Variants in LMO7 observed in about 807,000 individuals in gnomAD.
The protein encoded by LMO7 is LIM domain 7.
Under a neutral mutation model 206.5 loss-of-function variants are expected in LMO7, and 120 were observed. The observed-to-expected ratio is 0.58, with a 90% CI of 0.50 to 0.68. The LOEUF (loss-of-function observed/expected upper bound fraction) is 0.68. Among genes scored for constraint, LMO7 ranks in the 30% least tolerant of loss-of-function variants. The pLI is 0.00. For synonymous variants in LMO7, 706 were observed against 681.5 expected (o/e 1.04, Z -0.56); for missense variants, 1,959 against 1,957.9 (o/e 1.00, Z -0.01).
intron 4 of LMO7, among the ~76,000 whole-genome samples, chr13:75,794,793 A>C (rs1300394762): frequency 6.6e-6 from 1 of 152,078 alleles, no homozygotes; most frequent in African/African-American, 2.4e-5. Context: ...TGAGCAAAAA[A>C]CCCATGATTC....
At chr13:75,845,060 G>A (rs552987720) in intron 25 of LMO7, among the ~76,000 whole-genome samples, 1 of 152,262 alleles carries the variant, frequency 6.6e-6, no homozygotes, top group Admixed American at 6.5e-5. Context: ...ATAACTTATA[G>A]TCTTCATCAT....
Position 75,800,852 on chromosome 13 carries a change from T to A in LMO7, c.631T>A (p.Ser211Thr). Reference sequence around the variant, plus strand: ...CTCGAGGTCATTGACAAGCTGCTCCTCTGATATCACGTTGAGAGGGGGGCG... The same window carrying A: ...CTCGAGGTCATTGACAAGCTGCTCCACTGATATCACGTTGAGAGGGGGGCG... ...LGSRSLTSCS[S>T]DITLRGGREG... The change falls in exon 7 of 31, where the codon TCT (serine) becomes ACT (threonine). Residue 211 changes from serine (S) to threonine (T), a missense_variant. Ser to Thr is a moderately conservative substitution (Grantham distance 58, BLOSUM62 1). Transcript: ENST00000377534. 1 of 1,613,946 alleles carries A rather than the reference T, an allele frequency of 6.2e-7. No homozygotes were observed. The highest frequency in any genetic ancestry group is 8.5e-7 in the Non-Finnish European group (1 of 1,179,886).
At chr13:75,695,433 G>A (rs1456082377) in intron 1 of LMO7, among the ~76,000 whole-genome samples, 2 of 152,168 alleles carry the variant, frequency 1.3e-5, no homozygotes, top group African/African-American at 2.4e-5. Flanking sequence ...TGCAACCTCC[G>A]CCTCCCGGGT....
chr13:75,649,870 C>T (rs2037392820), intron 1 of LMO7, among the ~76,000 whole-genome samples: 1 of 152,198 alleles, frequency 6.6e-6, no homozygotes, highest in Non-Finnish European at 1.5e-5. Context: ...ACACTTGATC[C>T]ACTGAAGATT....
chr13:75,754,758 G>A (rs1458752215), intron 3 of LMO7, among the ~76,000 whole-genome samples: 1 of 152,164 alleles, frequency 6.6e-6, no homozygotes, highest in East Asian at 1.9e-4. Context: ...TATGTTACTT[G>A]ATAAATGCTT....
At chr13:75,683,745 C>T (rs1384206371) in intron 1 of LMO7, among the ~76,000 whole-genome samples, 1 of 152,166 alleles carries the variant, frequency 6.6e-6, no homozygotes, top group Non-Finnish European at 1.5e-5. Flanking sequence ...GGGAGATATA[C>T]ATCAATACAT....
At chr13:75,784,171 C>T (rs538402628) in intron 4 of LMO7, among the ~76,000 whole-genome samples, 2 of 152,180 alleles carry the variant, frequency 1.3e-5, no homozygotes, top group South Asian at 2.1e-4. Context: ...AGTACAGTTT[C>T]CCCCCGAAGC....
chr13:75,739,587 T>C (rs2046252167), intron 3 of LMO7, among the ~76,000 whole-genome samples: 1 of 152,232 alleles, frequency 6.6e-6, no homozygotes, highest in African/African-American at 2.4e-5. Context: ...TATTGGCTAA[T>C]GTTCTTGTAC....
At chr13:75,848,756 C>A (rs1206204767) in intron 26 of LMO7, among the ~76,000 whole-genome samples, 1 of 152,144 alleles carries the variant, frequency 6.6e-6, no homozygotes. Flanking sequence ...GACATCTTTT[C>A]CTCCTGGGTG....
chr13:75,775,387 CA>C (rs2050239320), intron 4 of LMO7, among the ~76,000 whole-genome samples: 1 of 152,048 alleles, frequency 6.6e-6, no homozygotes, highest in Admixed American at 6.5e-5. Context: ...CTCTTCTGGA[CA>C]TTGGTCCAGG....
chr13:75,847,571 G>T (rs954603763), intron 26 of LMO7, among the ~76,000 whole-genome samples: 1 of 152,182 alleles, frequency 6.6e-6, no homozygotes, highest in African/African-American at 2.4e-5. Context: ...AGATATGTGC[G>T]TTTATGTCCT....
intron 1 of LMO7, among the ~76,000 whole-genome samples, chr13:75,685,890 C>CT (rs551370410): frequency 0.033 from 3,452 of 105,856 alleles, 83 homozygotes; most frequent in Middle Eastern, 0.047. Flanking sequence ...TTTTCTTTCT[C>CT]TTTTTTTTTT....
At chr13:75,802,764 C>T (rs1313962421) in intron 7 of LMO7, among the ~76,000 whole-genome samples, 1 of 152,074 alleles carries the variant, frequency 6.6e-6, no homozygotes, top group African/African-American at 2.4e-5. Context: ...GGCACCAGGC[C>T]GATAAAGCTC....
chr13:75,708,700 GT>G (rs1185405436), intron 1 of LMO7, among the ~76,000 whole-genome samples: 1 of 152,202 alleles, frequency 6.6e-6, no homozygotes, highest in Non-Finnish European at 1.5e-5. Flanking sequence ...GCACAGGTTG[GT>G]GGGATAATCC....
chr13:75,747,141 ATAT>A (rs1452400044), intron 3 of LMO7, among the ~76,000 whole-genome samples: 1 of 152,172 alleles, frequency 6.6e-6, no homozygotes, highest in East Asian at 1.9e-4. Context: ...AATTTCAATG[ATAT>A]TTTAGTTGGA....
Position 75,858,064 on chromosome 13 carries a change from T to A in LMO7, c.*121T>A. The A allele has an allele frequency of 2.6e-6, 3 of 1,171,402 alleles. No individual in the cohort carries two copies. The highest frequency in any genetic ancestry group is 3.7e-6 in the Non-Finnish European group (3 of 820,018). 72.6% of individuals were successfully genotyped at this position (1,171,402 alleles called of 1,614,324 possible). A position where few individuals can be genotyped will look rare whatever the true frequency, so the allele number is the denominator to read the frequency against. On this transcript the variant is annotated 3_prime_UTR_variant, in exon 31 of 31. Transcript: ENST00000377534. ...TTTTTTTTAAAAAAAAGAATAACTT[T>A]TTTTGCCTCTTTAGATTACATAGAA...
Position 75,711,313 on chromosome 13 carries a change from T to A in LMO7, c.70-1869T>A, listed in dbSNP as rs919053728. The stretch of plus-strand genomic sequence containing the variant: ...TGGTATCAGGATGATGCTGGCCTCA[T>A]AAAATGAGTTAGGGAGGACTCCCTC... On this transcript the variant is annotated intron_variant, in intron 1 of 30. Coordinates refer to ENST00000377534, the MANE Select transcript of LMO7 (RefSeq NM_001306080.2). Among the ~76,000 whole-genome samples, 3 of 152,296 alleles carry A rather than the reference T, an allele frequency of 2.0e-5. No homozygotes were observed. In the East Asian group the frequency reaches 5.8e-4, roughly 29 times the overall value.
chr13:75,743,443 T>A (rs1488240118), intron 3 of LMO7, among the ~76,000 whole-genome samples: 1 of 152,190 alleles, frequency 6.6e-6, no homozygotes, highest in African/African-American at 2.4e-5. Context: ...AGACATGGAA[T>A]CAACCTAAAT....
At chr13:75,711,538 A>G (rs1038767123) in intron 1 of LMO7, among the ~76,000 whole-genome samples, 2 of 152,226 alleles carry the variant, frequency 1.3e-5, no homozygotes, top group Non-Finnish European at 2.9e-5. Flanking sequence ...TGACTAGGAA[A>G]GGGATTTCCC....
Sources: allele counts gnomAD v4.1 joint callset (sites outside exome capture counted in the v4.1 genomes callset), GRCh38; gene constraint gnomAD v4.1.1; transcripts MANE v1.5; gene names NCBI Gene and HGNC (gene_info 2026-07-23, HGNC 2026-07-21).